The following ADAMTS12 variants were observed in gnomAD, a reference collection of about 807,000 sequenced individuals.
ADAMTS12 encodes ADAM metallopeptidase with thrombospondin type 1 motif 12.
In ADAMTS12, 118 loss-of-function variants were observed where a neutral mutation model predicts 167.8. That is an observed-to-expected ratio of 0.70 (90% confidence interval 0.61 to 0.82). ADAMTS12 has a LOEUF of 0.82. ADAMTS12 is among the 40% of genes least tolerant of loss of function. The probability of loss-of-function intolerance (pLI) is 0.00; values close to 1 mark genes in which losing one functional copy is unlikely to be tolerated. For missense variants in ADAMTS12, 1,916 were observed against 1,998.8 expected, an observed-to-expected ratio of 0.96 and a Z score of 0.79; for synonymous variants, 704 against 716.9, an observed-to-expected ratio of 0.98 and a Z score of 0.29.
chr5:33,655,597 C>T (rs1326375758), intron 7 of ADAMTS12, among the ~76,000 whole-genome samples: 4 of 87,954 alleles, frequency 4.5e-5, no homozygotes, highest in Non-Finnish European at 5.3e-5. Flanking sequence ...ATCCTTGTCT[C>T]GGGGTTGACT....
At position 33,526,922 on chromosome 5, in the gene ADAMTS12, G is replaced by A. The variant is rs1561100217; in HGVS notation, c.*266C>T. On this transcript the variant is annotated 3_prime_UTR_variant, in exon 24 of 24. Coordinates refer to ENST00000504830, the MANE Select transcript of ADAMTS12 (RefSeq NM_030955.4). The stretch of plus-strand genomic sequence containing the variant: ...GTATTTCACAAATCTGTCTAACCTG[G>A]CACCTTTCCCAGGAGCCGATACCAG... 4.5e-6 allele frequency: 2 copies of A among 440,472 alleles called. No homozygotes were observed. Among genetic ancestry groups the A allele is most frequent in the East Asian group, 3.8e-5 (1 of 26,404 alleles). The allele number at this position is 440,472 out of a possible 1,614,324, so 27.3% of individuals were successfully genotyped here.
intron 2 of ADAMTS12, among the ~76,000 whole-genome samples, chr5:33,816,784 C>T (rs1187307992): frequency 6.6e-6 from 1 of 152,084 alleles, no homozygotes; most frequent in Non-Finnish European, 1.5e-5. Flanking sequence ...AGCTGAAGAG[C>T]AATTTTGTTC....
chr5:33,705,276 TG>T, intron 3 of ADAMTS12, among the ~76,000 whole-genome samples: 1 of 151,214 alleles, frequency 6.6e-6, no homozygotes, highest in Non-Finnish European at 1.5e-5. Context: ...GGTGTGTGTG[TG>T]TGTGTGTGTG....
chr5:33,872,555 A>AAAAAG (rs1188038187), intron 2 of ADAMTS12, among the ~76,000 whole-genome samples: 2 of 151,850 alleles, frequency 1.3e-5, no homozygotes, highest in African/African-American at 4.8e-5. Context: ...TGAAAAAAAA[A>AAAAAG]AAAGAAAGAA....
rs1240957176 is a variant in ADAMTS12 at position 33,546,168 on chromosome 5, C to G, written c.4337G>C (p.Arg1446Thr). 6.2e-7 allele frequency: 1 copy of G among 1,613,644 alleles called. No individual in the cohort carries two copies. Among genetic ancestry groups the G allele is most frequent in the Non-Finnish European group, 8.5e-7 (1 of 1,179,908 alleles). The change falls in exon 22 of 24, where the codon AGA becomes ACA. Residue 1446 changes from arginine (R) to threonine (T), a missense_variant. By Grantham distance (71) the Arg-to-Thr change is moderately conservative (BLOSUM62 -1). Coordinates refer to ENST00000504830, the MANE Select transcript of ADAMTS12 (RefSeq NM_030955.4). ...GAGGCCTCCTGGACAGAACACTCCT[C>G]TCTCCTGAACTCCACCTCCACAGGA... ...SRSCGGGVQERGVFCPGGLCD... is the reference protein window; with the variant it reads ...SRSCGGGVQETGVFCPGGLCD...
chr5:33,682,059 AAAC>A (rs1219874885), intron 5 of ADAMTS12, among the ~76,000 whole-genome samples: 1 of 152,236 alleles, frequency 6.6e-6, no homozygotes, highest in Admixed American at 6.5e-5. Flanking sequence ...TGAAAATAGG[AAAC>A]AACCATTTGG....
chr5:33,548,994 A>G (rs1745118153), intron 21 of ADAMTS12, among the ~76,000 whole-genome samples: 1 of 152,246 alleles, frequency 6.6e-6, no homozygotes. Flanking sequence ...GATTAAAACT[A>G]TAACACATTG....
chr5:33,584,793 TTAGTCTAATTAC>T lies in ADAMTS12; in HGVS notation c.2865+3794_2865+3805del, dbSNP rs372860848. Among the ~76,000 whole-genome samples the T allele has an allele frequency of 3.4e-3, 511 of 152,344 alleles. 1 individual carries two copies. Among genetic ancestry groups the T allele is most frequent in the African/African-American group, 0.012 (482 of 41,574 alleles). Reference sequence around the variant, plus strand: ...GAAAAATTACCACCTATCATTACTATTAGTCTAATTACTAGGAGAAATAACATGTTGGTTCAT... The same window carrying T: ...GAAAAATTACCACCTATCATTACTATTAGGAGAAATAACATGTTGGTTCAT... On this transcript the variant is annotated intron_variant, in intron 18 of 23. Transcript: ENST00000504830.
intron 5 of ADAMTS12, among the ~76,000 whole-genome samples, chr5:33,670,016 CA>C (rs1317416240): frequency 6.6e-6 from 1 of 151,876 alleles, no homozygotes; most frequent in East Asian, 1.9e-4. Flanking sequence ...TGGATCACAT[CA>C]AAATTAAACA....
Position 33,890,007 on chromosome 5 carries a change from T to G in ADAMTS12, c.127+1723A>C, listed in dbSNP as rs1396255075. Reference sequence around the variant, plus strand: ...CCTAAATAAATATATATATCACCAATAAGCTTGGAGCACTTTATAGGTTTT... The same window carrying G: ...CCTAAATAAATATATATATCACCAAGAAGCTTGGAGCACTTTATAGGTTTT... On this transcript the variant is annotated intron_variant, in intron 1 of 23. Coordinates refer to ENST00000504830, the MANE Select transcript of ADAMTS12 (RefSeq NM_030955.4). Among the ~76,000 whole-genome samples, 4 of 152,248 alleles carry G rather than the reference T, an allele frequency of 2.6e-5. No homozygotes were observed. The East Asian group carries it at 7.7e-4, about 29-fold the overall frequency.
intron 22 of ADAMTS12, among the ~76,000 whole-genome samples, 195 bp downstream of exon 22, chr5:33,545,864 G>T (rs1744951476): frequency 6.6e-6 from 1 of 151,566 alleles, no homozygotes; most frequent in Non-Finnish European, 1.5e-5. Context: ...CCTGTCGGGG[G>T]GTGGGGGGCT....
intron 3 of ADAMTS12, among the ~76,000 whole-genome samples, chr5:33,720,254 T>C (rs1561233652): frequency 6.9e-6 from 1 of 144,482 alleles, no homozygotes; most frequent in Non-Finnish European, 1.5e-5. Context: ...ATGTTAATAG[T>C]TTCCATTCAC....
intron 2 of ADAMTS12, among the ~76,000 whole-genome samples, chr5:33,867,486 A>AT (rs1187923842): frequency 7.9e-5 from 12 of 152,132 alleles, no homozygotes; most frequent in Non-Finnish European, 1.2e-4. Context: ...GAGATGAGTG[A>AT]TAAAAAAAAC....
chr5:33,529,862 C>T (rs1263698542), intron 23 of ADAMTS12, among the ~76,000 whole-genome samples: 2 of 152,166 alleles, frequency 1.3e-5, no homozygotes, highest in Admixed American at 6.5e-5. Context: ...TATAAAAACC[C>T]TGTCTCTCTT....
chr5:33,749,419 A>AG (rs1228165821), intron 3 of ADAMTS12, among the ~76,000 whole-genome samples: 4 of 152,146 alleles, frequency 2.6e-5, no homozygotes, highest in African/African-American at 9.7e-5. Context: ...CTTTGGTGAA[A>AG]GAAGGAAGGA....
chr5:33,840,213 T>G (rs1164724457), intron 2 of ADAMTS12: 2 of 152,238 alleles, frequency 1.3e-5, no homozygotes, highest in Non-Finnish European at 2.9e-5. Flanking sequence ...CAGCATAGCC[T>G]ACTTTATTCT....
chr5:33,638,710 C>A (rs916615225), intron 11 of ADAMTS12, among the ~76,000 whole-genome samples: 2 of 152,114 alleles, frequency 1.3e-5, no homozygotes, highest in Non-Finnish European at 2.9e-5. Flanking sequence ...ATGGCACAAT[C>A]CAAGCTCTGT....
chr5:33,886,454 T>C (rs1006357526), intron 1 of ADAMTS12, among the ~76,000 whole-genome samples: 18 of 152,176 alleles, frequency 1.2e-4, no homozygotes, highest in African/African-American at 4.3e-4. Flanking sequence ...TTATATAACA[T>C]TCCTTGGATT....
chr5:33,891,366 TA>T lies in ADAMTS12; in HGVS notation c.127+363del, dbSNP rs371359345. On this transcript the variant is annotated intron_variant, in intron 1 of 23. Transcript: ENST00000504830. ...TGACGGCCAGTAGCCAGTTAGCACT[TA>T]AAAAAAAAATTTTCCATGTTTAGAG... 4.1e-3 allele frequency among the ~76,000 whole-genome samples: 607 copies of T among 148,546 alleles called. 4 individuals carry two copies. Among genetic ancestry groups the T allele is most frequent in the African/African-American group, 0.014 (577 of 40,830 alleles).
Sources: gnomAD v4.1 joint callset for allele counts (sites outside exome capture counted in the v4.1 genomes callset) on GRCh38, gnomAD v4.1.1 for gene constraint, MANE v1.5 for transcripts, NCBI Gene and HGNC (gene_info 2026-07-23, HGNC 2026-07-21) for gene names.